The following TMEM231 variants were observed in gnomAD, a reference collection of about 807,000 sequenced individuals.
TMEM231 encodes transmembrane protein 231.
In TMEM231, 40 loss-of-function variants were observed where a neutral mutation model predicts 38.5. The observed-to-expected ratio is 1.04, with a 90% CI of 0.81 to 1.35. The LOEUF is 1.35. Among genes scored for constraint, TMEM231 ranks in the 40% most tolerant of loss-of-function variants. The pLI is 0.00. For synonymous variants in TMEM231, 199 were observed against 181.7 expected (o/e 1.10, Z -0.77); for missense variants, 420 against 416.9 (o/e 1.01, Z -0.07).
intron 2 of TMEM231, among the ~76,000 whole-genome samples, chr16:75,552,346 C>G (rs4887832): frequency 0.48 from 72,779 of 151,820 alleles, 20,438 homozygotes; most frequent in East Asian, 0.95. Flanking sequence ...CCAGCTCCTT[C>G]GGAGGCTGAG....
intron 5 of TMEM231, among the ~76,000 whole-genome samples, chr16:75,542,381 T>C (rs2080637041): frequency 6.6e-6 from 1 of 151,680 alleles, no homozygotes. Context: ...TAACCATCAC[T>C]AGCCTGCTGG....
intron 2 of TMEM231, among the ~76,000 whole-genome samples, chr16:75,549,319 G>T (rs1284253857): frequency 2.0e-5 from 3 of 152,190 alleles, no homozygotes; most frequent in Non-Finnish European, 2.9e-5. Flanking sequence ...ATTCTAGGTC[G>T]CTATCTAACC....
chr16:75,549,874 G>C (rs1406440876), intron 2 of TMEM231, among the ~76,000 whole-genome samples: 1 of 152,026 alleles, frequency 6.6e-6, no homozygotes, highest in East Asian at 1.9e-4. Flanking sequence ...ACGCCCAGCT[G>C]ATTTTTGCAT....
rs1305523533 is a variant in TMEM231 at position 75,537,866 on chromosome 16, T to C, written c.*2128A>G. The C allele has an allele frequency of 6.6e-6, 1 of 152,228 alleles. No individual in the cohort carries two copies. Among genetic ancestry groups the C allele is most frequent in the East Asian group, 1.9e-4 (1 of 5,202 alleles). The allele number at this position is 152,228 out of a possible 1,614,324, so 9.4% of individuals were successfully genotyped here. A position where few individuals can be genotyped will look rare whatever the true frequency, so the allele number is the denominator to read the frequency against. On this transcript the variant is annotated 3_prime_UTR_variant, in exon 7 of 7. Transcript: ENST00000258173. Reference sequence around the variant, plus strand: ...AACATCTGGTCTGTAAATAATTTCATATTCACCAGACACAGTCATAATTAT... The same window carrying C: ...AACATCTGGTCTGTAAATAATTTCACATTCACCAGACACAGTCATAATTAT...
At position 75,556,205 on chromosome 16, in the gene TMEM231, G is replaced by A. The variant is rs778298588; in HGVS notation, c.5C>T (p.Ala2Val). 2.6e-5 allele frequency: 38 copies of A among 1,454,324 alleles called. 1 individual carries two copies. The highest frequency in any genetic ancestry group is 3.1e-5 in the Non-Finnish European group (34 of 1,110,268). The allele number at this position is 1,454,324 out of a possible 1,614,324, so 90.1% of individuals were successfully genotyped here. Residue 2 changes from alanine (A) to valine (V), a missense_variant, in exon 1 of 7, where the codon GCG (alanine) becomes GTG (valine). Transcript: ENST00000258173. ...CGGGTGAGAGAAGAGCTCATAGAGC[G>A]CCATGAGCACCGCTCGCAGGCACTC... Reference protein sequence around the residue: MALYELFSHPVE... With the variant: MVLYELFSHPVE...
intron 5 of TMEM231, among the ~76,000 whole-genome samples, chr16:75,542,326 TAA>T (rs1341471617): frequency 5.3e-5 from 8 of 149,764 alleles, no homozygotes; most frequent in Non-Finnish European, 1.2e-4. Context: ...TTATATTTTT[TAA>T]AAGAGAAACC....
chr16:75,555,748 TC>T, intron 2 of TMEM231, 55 bp downstream of exon 2: 1 of 1,435,656 alleles, frequency 7.0e-7, no homozygotes. Flanking sequence ...CTCATTCCAG[TC>T]CCCATCCCCA....
rs2641800 is a variant in TMEM231, at chr16:75,538,815, G to A, written c.*1179C>T. On this transcript the variant is annotated 3_prime_UTR_variant, in exon 7 of 7. Coordinates refer to ENST00000258173, the MANE Select transcript of TMEM231 (RefSeq NM_001077418.3). ...GAATGGGCTGAACAAGCCATCTTCCGTGTGCAGAGGCCCCTTCCAGCCATC... is the reference window on the plus strand; with the variant it reads ...GAATGGGCTGAACAAGCCATCTTCCATGTGCAGAGGCCCCTTCCAGCCATC... 0.33 allele frequency: 49,647 copies of A among 152,014 alleles called. 9,275 individuals are homozygous for A. The highest frequency in any genetic ancestry group is 0.52 in the African/African-American group (21,505 of 41,468). 9.4% of individuals were successfully genotyped at this position (152,014 alleles called of 1,614,324 possible). A position where few individuals can be genotyped will look rare whatever the true frequency, so the allele number is the denominator to read the frequency against.
rs555353487 is a variant in TMEM231 at position 75,545,712 on chromosome 16, A to T, written c.438+114T>A. 4.8e-5 allele frequency: 28 copies of T among 582,304 alleles called. No individual in the cohort carries two copies. In the East Asian group the frequency reaches 6.3e-4, roughly 13 times the overall value. 36.1% of individuals were successfully genotyped at this position (582,304 alleles called of 1,614,324 possible). On this transcript the variant is annotated intron_variant, in intron 3 of 6. Transcript: ENST00000258173. ...TCCATTGGCCTAAGTTAAATCCCAAACTACATGGGGAAGAGGGCCCGCTAG... is the reference window on the plus strand; with the variant it reads ...TCCATTGGCCTAAGTTAAATCCCAATCTACATGGGGAAGAGGGCCCGCTAG...
chr16:75,553,274 G>T (rs939170125), intron 2 of TMEM231, among the ~76,000 whole-genome samples: 1 of 152,164 alleles, frequency 6.6e-6, no homozygotes, highest in Non-Finnish European at 1.5e-5. Context: ...TAAGGGCTAA[G>T]ATTTTAAGAT....
intron 4 of TMEM231, among the ~76,000 whole-genome samples, chr16:75,543,371 A>T (rs2080649428): frequency 6.6e-6 from 1 of 152,238 alleles, no homozygotes; most frequent in Non-Finnish European, 1.5e-5. Context: ...GTTCGAGACC[A>T]GTCTGGCCAA....
intron 2 of TMEM231, among the ~76,000 whole-genome samples, chr16:75,546,884 G>C (rs1393038696): frequency 6.6e-6 from 1 of 152,140 alleles, no homozygotes; most frequent in Non-Finnish European, 1.5e-5. Context: ...GAAAAAGGAA[G>C]CTATGTCAAA....
chr16:75,539,113 G>A lies in TMEM231; in HGVS notation c.*881C>T, dbSNP rs903017559. On this transcript the variant is annotated 3_prime_UTR_variant, in exon 7 of 7. Coordinates refer to ENST00000258173, the MANE Select transcript of TMEM231 (RefSeq NM_001077418.3). ...GCCAATCCCAACACCAACCCCTGTC[G>A]CCCCTGTCCTTTGCAGGAAGGGGGA... The A allele has an allele frequency of 2.6e-5, 4 of 151,912 alleles. No individual in the cohort carries two copies. Among genetic ancestry groups the A allele is most frequent in the African/African-American group, 9.6e-5 (4 of 41,482 alleles). 9.4% of individuals were successfully genotyped at this position (151,912 alleles called of 1,614,324 possible). A position where few individuals can be genotyped will look rare whatever the true frequency, so the allele number is the denominator to read the frequency against.
At chr16:75,544,506 G>A (rs1165685630) in intron 4 of TMEM231, among the ~76,000 whole-genome samples, 1 of 152,166 alleles carries the variant, frequency 6.6e-6, no homozygotes, top group African/African-American at 2.4e-5. Flanking sequence ...GGGCAGTGAT[G>A]GGACAAGTGG....
rs111432981 is a variant in TMEM231 at position 75,538,865 on chromosome 16, G to A, written c.*1129C>T. On this transcript the variant is annotated 3_prime_UTR_variant, in exon 7 of 7. Coordinates refer to ENST00000258173, the MANE Select transcript of TMEM231 (RefSeq NM_001077418.3). The stretch of plus-strand genomic sequence containing the variant: ...CTCTGCTCCTGCAGACACTTGCTTA[G>A]CCACGAGGGTAATCCACTGGACTGC... 460 of 152,478 alleles carry A rather than the reference G, an allele frequency of 3.0e-3. 3 individuals are homozygous for A. Among genetic ancestry groups the A allele is most frequent in the Non-Finnish European group, 5.7e-3 (390 of 68,136 alleles). 9.4% of individuals were successfully genotyped at this position (152,478 alleles called of 1,614,324 possible). A position where few individuals can be genotyped will look rare whatever the true frequency, so the allele number is the denominator to read the frequency against.
intron 2 of TMEM231, among the ~76,000 whole-genome samples, chr16:75,552,912 T>C (rs956378966): frequency 1.2e-4 from 18 of 152,212 alleles, no homozygotes; most frequent in African/African-American, 4.3e-4. Context: ...CTGTATTCTC[T>C]GGGTCCACAC....
chr16:75,554,853 G>A (rs2080794514), intron 2 of TMEM231: 1 of 152,132 alleles, frequency 6.6e-6, no homozygotes, highest in African/African-American at 2.4e-5. Flanking sequence ...TACTTTTAAT[G>A]GCAAAAGCCG....
intron 4 of TMEM231, 83 bp from the exon 5 acceptor site, chr16:75,542,766 G>A: frequency 8.5e-7 from 1 of 1,171,502 alleles, no homozygotes; most frequent in Non-Finnish European, 1.3e-6. Context: ...ACCCAGGCTG[G>A]TCCCACAGAG....
intron 2 of TMEM231, among the ~76,000 whole-genome samples, chr16:75,551,257 G>A (rs2080757615): frequency 6.6e-6 from 1 of 152,084 alleles, no homozygotes; most frequent in African/African-American, 2.4e-5. Context: ...GAGTGCAGTG[G>A]CACGATCACA....
Sources: allele counts gnomAD v4.1 joint callset (sites outside exome capture counted in the v4.1 genomes callset), GRCh38; gene constraint gnomAD v4.1.1; transcripts MANE v1.5; gene names NCBI Gene and HGNC (gene_info 2026-07-23, HGNC 2026-07-21).